The following MARCHF1 variants were observed in gnomAD, a reference collection of about 807,000 sequenced individuals.
The protein encoded by MARCHF1 is membrane associated ring-CH-type finger 1, also known as E3 ubiquitin-protein ligase MARCHF1.
In MARCHF1, 40 loss-of-function variants were observed where a neutral mutation model predicts 54.2. That is an observed-to-expected ratio of 0.74 (90% CI 0.57 to 0.96). The LOEUF (loss-of-function observed/expected upper bound fraction) is 0.96, where lower values mean the gene tolerates loss of function less well. Among genes scored for constraint, MARCHF1 ranks in the 40% least tolerant of loss-of-function variants. The pLI is 0.00. For synonymous variants in MARCHF1, 236 were observed against 236.3 expected (o/e 1.00, Z 0.01); for missense variants, 586 against 656.5 (o/e 0.89, Z 1.17).
At chr4:163,582,141 T>C in intron 8 of MARCHF1, among the ~76,000 whole-genome samples, 1 of 152,234 alleles carries the variant, frequency 6.6e-6, no homozygotes, top group East Asian at 1.9e-4. Flanking sequence ...AATTAGTTTA[T>C]GCTTCCTAGT....
intron 4 of MARCHF1, among the ~76,000 whole-genome samples, chr4:163,848,149 C>T (rs1365355954): frequency 6.6e-6 from 1 of 152,102 alleles, no homozygotes; most frequent in Admixed American, 6.6e-5. Flanking sequence ...AATCATTTTT[C>T]ATTTTAATTT....
intron 4 of MARCHF1, among the ~76,000 whole-genome samples, chr4:163,722,997 T>C (rs1471259464): frequency 6.6e-6 from 1 of 152,190 alleles, no homozygotes; most frequent in Non-Finnish European, 1.5e-5. Flanking sequence ...GTCTGTGTCT[T>C]TTAAGTGGAG....
intron 4 of MARCHF1, among the ~76,000 whole-genome samples, chr4:163,747,936 C>G (rs1023587404): frequency 2.6e-5 from 4 of 152,278 alleles, no homozygotes; most frequent in South Asian, 2.1e-4. Context: ...CAGAGAGCAG[C>G]CCCGAGAAGC....
chr4:163,965,617 T>C (rs547777122), intron 3 of MARCHF1, among the ~76,000 whole-genome samples: 3 of 152,190 alleles, frequency 2.0e-5, no homozygotes, highest in Admixed American at 2.0e-4. Flanking sequence ...AGTACTACTG[T>C]ACATGACATT....
At chr4:163,678,135 T>C (rs770494121) in intron 5 of MARCHF1, among the ~76,000 whole-genome samples, 6 of 152,206 alleles carry the variant, frequency 3.9e-5, no homozygotes, top group Non-Finnish European at 7.4e-5. Context: ...ACAGATGGAA[T>C]TCCTTGATTC....
At chr4:164,086,885 A>G (rs984424524) in intron 2 of MARCHF1, among the ~76,000 whole-genome samples, 2 of 152,114 alleles carry the variant, frequency 1.3e-5, no homozygotes, top group African/African-American at 2.4e-5. Context: ...GAAATATTAT[A>G]ACAATAATTT....
chr4:164,130,416 T>C (rs1756277131), intron 1 of MARCHF1, among the ~76,000 whole-genome samples: 1 of 152,142 alleles, frequency 6.6e-6, no homozygotes, highest in Admixed American at 6.6e-5. Context: ...CAGAAAGCAG[T>C]TTACTGTTCC....
At chr4:163,956,251 AT>A (rs1752230737) in intron 3 of MARCHF1, among the ~76,000 whole-genome samples, 1 of 152,192 alleles carries the variant, frequency 6.6e-6, no homozygotes, top group African/African-American at 2.4e-5. Flanking sequence ...CTCAAGCTAG[AT>A]TTCCTAAGTC....
intron 1 of MARCHF1, among the ~76,000 whole-genome samples, chr4:164,115,537 A>G (rs1755922422): frequency 6.6e-6 from 1 of 152,132 alleles, no homozygotes; most frequent in Non-Finnish European, 1.5e-5. Flanking sequence ...ATATTTATTC[A>G]GACTACAAAC....
chr4:164,031,420 ATTAT>A, intron 2 of MARCHF1, among the ~76,000 whole-genome samples: 1 of 113,832 alleles, frequency 8.8e-6, no homozygotes, highest in Admixed American at 9.0e-5. Context: ...TATCTATTAT[ATTAT>A]TTTTTTTTCA....
At chr4:164,183,932 A>G (rs1730898687) in intron 1 of MARCHF1, among the ~76,000 whole-genome samples, 1 of 152,218 alleles carries the variant, frequency 6.6e-6, no homozygotes, top group African/African-American at 2.4e-5. Context: ...TCCTTAGTCC[A>G]CTGAAGGAGG....
chr4:163,528,898 A>G lies in MARCHF1; in HGVS notation c.1488T>C (p.Asn496=), dbSNP rs1472269488. The G allele has an allele frequency of 1.2e-6, 2 of 1,613,260 alleles. No individual in the cohort carries two copies. The highest frequency in any genetic ancestry group is 1.7e-6 in the Non-Finnish European group (2 of 1,179,592). ...CCAGTTTTTTGGCAGTGTCTGGGCA[A>G]TTTTGTACAAAGATCACACGGTTGT... ...KAYNRVIFVQ[N]CPDTAKKLEK... The change falls in exon 10 of 10, where the codon AAT becomes AAC. Residue 496 remains asparagine, a synonymous_variant. Coordinates refer to ENST00000514618, the MANE Select transcript of MARCHF1 (RefSeq NM_001394959.1).
At chr4:163,932,772 G>A (rs554988568) in intron 3 of MARCHF1, 10 of 578,062 alleles carry the variant, frequency 1.7e-5, no homozygotes, top group African/African-American at 1.5e-4. Flanking sequence ...CCAGGAGAAA[G>A]TGGAGTCTGA....
chr4:164,021,152 T>C (rs1579466714), intron 2 of MARCHF1, among the ~76,000 whole-genome samples: 1 of 151,152 alleles, frequency 6.6e-6, no homozygotes, highest in East Asian at 1.9e-4. Flanking sequence ...TCCAGACCAG[T>C]TGGGAAGCAA....
intron 2 of MARCHF1, among the ~76,000 whole-genome samples, chr4:164,013,598 C>T (rs1021577233): frequency 6.6e-6 from 1 of 152,016 alleles, no homozygotes; most frequent in Non-Finnish European, 1.5e-5. Flanking sequence ...GTAATAAACT[C>T]TCAAAGGTCA....
intron 1 of MARCHF1, among the ~76,000 whole-genome samples, chr4:164,174,311 G>C (rs1730606330): frequency 6.6e-6 from 1 of 152,154 alleles, no homozygotes; most frequent in Admixed American, 6.5e-5. Context: ...TAAGTAATGG[G>C]GTTGATTGAA....
intron 4 of MARCHF1, among the ~76,000 whole-genome samples, chr4:163,727,667 AG>A (rs1561043796): frequency 6.6e-6 from 1 of 151,052 alleles, no homozygotes; most frequent in Non-Finnish European, 1.5e-5. Flanking sequence ...TTTGTTGAAA[AG>A]GTGTTTTCTT....
intron 1 of MARCHF1, among the ~76,000 whole-genome samples, chr4:164,331,257 T>C (rs915208867): frequency 3.3e-5 from 5 of 152,080 alleles, no homozygotes; most frequent in African/African-American, 1.2e-4. Flanking sequence ...TCAAAATAAG[T>C]TACATTAAAA....
At chr4:163,919,930 A>C (rs56297521) in intron 3 of MARCHF1, among the ~76,000 whole-genome samples, 35,406 of 152,056 alleles carry the variant, frequency 0.23, 5,098 homozygotes, top group East Asian at 0.44. Flanking sequence ...AGAATAGAAT[A>C]CAATTTGAAT....
Sources: gnomAD v4.1 joint callset for allele counts (sites outside exome capture counted in the v4.1 genomes callset) on GRCh38, gnomAD v4.1.1 for gene constraint, MANE v1.5 for transcripts, NCBI Gene and HGNC (gene_info 2026-07-23, HGNC 2026-07-21) for gene names.